The following BRSK2 variants were observed in gnomAD, a reference collection of about 807,000 sequenced individuals.
BRSK2 encodes the protein serine/threonine-protein kinase BRSK2.
Under a neutral mutation model 83.3 loss-of-function variants are expected in BRSK2, and 19 were observed. The ratio of observed to expected loss-of-function variants is 0.23; its 90% CI spans 0.16 to 0.33. BRSK2 has a LOEUF of 0.33. BRSK2 is among the 10% of genes least tolerant of loss of function. The pLI is 1.00. For synonymous variants in BRSK2, 519 were observed against 435.4 expected (o/e 1.19, Z -2.39); for missense variants, 798 against 1,042.3 (o/e 0.77, Z 3.23).
At chr11:1,416,957 G>A (rs955124558) in intron 1 of BRSK2, among the ~76,000 whole-genome samples, 6 of 152,094 alleles carry the variant, frequency 3.9e-5, no homozygotes, top group Non-Finnish European at 8.8e-5. Flanking sequence ...TCAGGCGTTC[G>A]AGACCAGCCT....
chr11:1,402,127 C>T (rs959966128), intron 1 of BRSK2, among the ~76,000 whole-genome samples: 7 of 152,284 alleles, frequency 4.6e-5, no homozygotes, highest in African/African-American at 9.6e-5. Flanking sequence ...GGTGCCCCTG[C>T]GTGTGGGTGC....
intron 3 of BRSK2, among the ~76,000 whole-genome samples, chr11:1,439,202 GCTGGCTGAGGGC>G (rs1223393564): frequency 2.0e-4 from 30 of 152,226 alleles, no homozygotes; most frequent in African/African-American, 7.0e-4. Context: ...CTCAGGGTGA[GCTGGCTGAGGGC>G]CTGGCTGAAC....
At chr11:1,392,025 G>A (rs1000594994) in intron 1 of BRSK2, among the ~76,000 whole-genome samples, 2 of 152,222 alleles carry the variant, frequency 1.3e-5, no homozygotes, top group Non-Finnish European at 2.9e-5. Flanking sequence ...ACAGCTCGAG[G>A]GGGGGCACAA....
In BRSK2 at chr11:1,461,225, G is replaced by A. The variant is rs1309857640; in HGVS notation, c.*502G>A. 35 of 616,546 alleles carry A rather than the reference G, an allele frequency of 5.7e-5. No individual in the cohort carries two copies. In the East Asian group the frequency reaches 6.8e-4, roughly 12 times the overall value. 38.2% of individuals were successfully genotyped at this position (616,546 alleles called of 1,614,324 possible). A position where few individuals can be genotyped will look rare whatever the true frequency, so the allele number is the denominator to read the frequency against. ...GTCACCTGACCCCTCAGCAAGAACAGCCTGCCTGGTGGCCTTCTGGGGCCA... is the reference window on the plus strand; with the variant it reads ...GTCACCTGACCCCTCAGCAAGAACAACCTGCCTGGTGGCCTTCTGGGGCCA... On this transcript the variant is annotated 3_prime_UTR_variant, in exon 20 of 20. Transcript: ENST00000528841.
At chr11:1,450,251 C>T (rs879610666) in intron 13 of BRSK2, among the ~76,000 whole-genome samples, 115 of 151,982 alleles carry the variant, frequency 7.6e-4, no homozygotes, top group Non-Finnish European at 1.2e-3. Context: ...GCCCCCACCG[C>T]CCCCCGAGCC....
chr11:1,449,149 G>A (rs905245280), intron 12 of BRSK2, among the ~76,000 whole-genome samples: 6 of 152,228 alleles, frequency 3.9e-5, no homozygotes, highest in African/African-American at 7.2e-5. Flanking sequence ...AGTCTCAGCC[G>A]GGCACGCCGG....
Position 1,459,499 on chromosome 11 carries a change from C to G in BRSK2, c.1987+260C>G, listed in dbSNP as rs145776089. ...GGATCAGGGCAGGCCCAAGAAGGGG[C>G]TCCCAAGGCCTGAAGCCAGTGAGGG... On this transcript the variant is annotated intron_variant, in intron 19 of 19. Coordinates refer to ENST00000528841, the MANE Select transcript of BRSK2 (RefSeq NM_001256627.2). 73 of 517,756 alleles carry G rather than the reference C, an allele frequency of 1.4e-4. No individual in the cohort carries two copies. The East Asian group carries it at 2.3e-3, about 16-fold the overall frequency. The allele number at this position is 517,756 out of a possible 1,614,324, so 32.1% of individuals were successfully genotyped here. A position where few individuals can be genotyped will look rare whatever the true frequency, so the allele number is the denominator to read the frequency against.
chr11:1,443,478 G>GCCGC lies in BRSK2; in HGVS notation c.634-6_634-3dup. The GCCGC allele has an allele frequency of 1.3e-6, 2 of 1,581,892 alleles. No homozygotes were observed. Among genetic ancestry groups the GCCGC allele is most frequent in the Non-Finnish European group, 1.7e-6 (2 of 1,163,180 alleles). On this transcript the variant is annotated splice_polypyrimidine_tract_variant and intron_variant, in intron 7 of 19. Coordinates refer to ENST00000528841, the MANE Select transcript of BRSK2 (RefSeq NM_001256627.2). ...CCCCCCACGCTGACCCCCACACCCG[G>GCCGC]CCGCCCGCAGGGGGCTCTGCCCTTC...
intron 1 of BRSK2, among the ~76,000 whole-genome samples, chr11:1,422,553 C>G (rs1848738964): frequency 1.3e-5 from 2 of 152,108 alleles, no homozygotes; most frequent in Admixed American, 1.3e-4. Flanking sequence ...GTGCCCCCAC[C>G]CCGAGGATGC....
rs1156527900 is a variant in BRSK2, at chr11:1,390,489, C to A, written c.91+114C>A. Reference sequence around the variant, plus strand: ...GAAGCCGCAGGCCCGGCCCGGGCCCCGGCCGCGAACAATGGGCGGCCCGTG... The same window carrying A: ...GAAGCCGCAGGCCCGGCCCGGGCCCAGGCCGCGAACAATGGGCGGCCCGTG... On this transcript the variant is annotated intron_variant, in intron 1 of 19. Coordinates refer to ENST00000528841, the MANE Select transcript of BRSK2 (RefSeq NM_001256627.2). The surrounding 1 kb of genome is among the most constrained non-coding windows in gnomAD (Gnocchi z 6.8). 1 of 468,450 alleles carries A rather than the reference C, an allele frequency of 2.1e-6. No individual in the cohort carries two copies. Among genetic ancestry groups the A allele is most frequent in the Non-Finnish European group, 2.8e-6 (1 of 359,760 alleles). 29.0% of individuals were successfully genotyped at this position (468,450 alleles called of 1,614,324 possible).
Position 1,405,287 on chromosome 11 carries a change from C to T in BRSK2, c.91+14912C>T, listed in dbSNP as rs560999449. ...AGCTGACGTTGCTCCTGGAGCCCTG[C>T]GTGCCAGCTGGGGTGGGAGGTGTGT... On this transcript the variant is annotated intron_variant, in intron 1 of 19. Coordinates refer to ENST00000528841, the MANE Select transcript of BRSK2 (RefSeq NM_001256627.2). 2.6e-5 allele frequency among the ~76,000 whole-genome samples: 4 copies of T among 152,194 alleles called. No individual in the cohort carries two copies. In the East Asian group the frequency reaches 5.8e-4, roughly 22 times the overall value.
At chr11:1,457,557 GGTCT>G (rs1846757518) in intron 18 of BRSK2, among the ~76,000 whole-genome samples, 2 of 152,278 alleles carry the variant, frequency 1.3e-5, no homozygotes, top group South Asian at 2.1e-4. Flanking sequence ...GCATGGGCCT[GGTCT>G]GTCAGCAAGG....
chr11:1,448,326 G>C (rs11028212), intron 12 of BRSK2, among the ~76,000 whole-genome samples: 5,019 of 152,248 alleles, frequency 0.033, 203 homozygotes, highest in African/African-American at 0.1. Flanking sequence ...GGCGGGTGGC[G>C]CCGCCCCCAA....
chr11:1,399,311 A>AGG (rs147032940), intron 1 of BRSK2, among the ~76,000 whole-genome samples: 23,225 of 152,090 alleles, frequency 0.15, 2,311 homozygotes, highest in Non-Finnish European at 0.21. Flanking sequence ...GGGTGGTGCC[A>AGG]GGGGGTTGCT....
At chr11:1,422,835 G>A (rs973523069) in intron 1 of BRSK2, among the ~76,000 whole-genome samples, 2 of 152,168 alleles carry the variant, frequency 1.3e-5, no homozygotes, top group Non-Finnish European at 2.9e-5. Context: ...AGGGGGTGAC[G>A]GAGATGAAGC....
At chr11:1,403,509 G>A (rs549237598) in intron 1 of BRSK2, among the ~76,000 whole-genome samples, 193 of 152,326 alleles carry the variant, frequency 1.3e-3, no homozygotes, top group Non-Finnish European at 2.2e-3. Flanking sequence ...CACGAAACCC[G>A]CAGGCTCATG....
At chr11:1,444,510 C>T (rs1345005692) in intron 8 of BRSK2, among the ~76,000 whole-genome samples, 1 of 152,100 alleles carries the variant, frequency 6.6e-6, no homozygotes, top group Non-Finnish European at 1.5e-5. Context: ...TGCCCCGCCG[C>T]ACAGGTGGGC....
rs1001539673 is a variant in BRSK2 at position 1,462,525 on chromosome 11, C to G, written c.*1802C>G. ...GCGGGAAGGGGCTCTCCACGGAGAT[C>G]GAGGACACGAAGCAAACTGCCTCTT... On this transcript the variant is annotated 3_prime_UTR_variant, in exon 20 of 20. Transcript: ENST00000528841. 6.6e-6 allele frequency: 1 copy of G among 152,254 alleles called. No individual in the cohort carries two copies. Among genetic ancestry groups the G allele is most frequent in the Admixed American group, 6.5e-5 (1 of 15,290 alleles). The allele number at this position is 152,254 out of a possible 1,614,324, so 9.4% of individuals were successfully genotyped here. A position where few individuals can be genotyped will look rare whatever the true frequency, so the allele number is the denominator to read the frequency against.
At chr11:1,443,452 C>T (rs1463403137) in intron 7 of BRSK2, 37 bp from the exon 8 acceptor site, 16 of 1,569,284 alleles carry the variant, frequency 1.0e-5, no homozygotes, top group Middle Eastern at 1.7e-4. Flanking sequence ...CCCAAACCTG[C>T]CCCCCCACGC....
Sources: allele counts gnomAD v4.1 joint callset (sites outside exome capture counted in the v4.1 genomes callset), GRCh38; gene constraint gnomAD v4.1.1; non-coding constraint Gnocchi (gnomAD v3.1); transcripts MANE v1.5; gene names NCBI Gene and HGNC (gene_info 2026-07-23, HGNC 2026-07-21).